Variants in TICAM2 observed in about 807,000 individuals in gnomAD.
TICAM2 encodes the protein TIR domain-containing adapter molecule 2.
Under a neutral mutation model 7.3 loss-of-function variants are expected in TICAM2, and 8 were observed. The observed-to-expected ratio is 1.10, with a 90% confidence interval of 0.65 to 1.99. TICAM2 has a LOEUF of 1.99. TICAM2 is among the 30% of genes most tolerant of loss of function. The pLI is 0.00. For synonymous variants in TICAM2, 113 were observed against 99.6 expected, an observed-to-expected ratio of 1.13 and a Z score of -0.80; for missense variants, 304 against 278.8, an observed-to-expected ratio of 1.09 and a Z score of -0.65.
At chr5:115,595,649 T>A (rs944710409) in intron 1 of TICAM2, among the ~76,000 whole-genome samples, 9 of 152,338 alleles carry the variant, frequency 5.9e-5, no homozygotes, top group Middle Eastern at 3.4e-3. Context: ...AAAAACTCTA[T>A]CTTATTAGAA....
rs983772264 is a variant in TICAM2, at chr5:115,585,338, G to T, written c.-59-4023C>A. ...TAGTCAAAGCGTAGTCCATGAACAA[G>T]ATGCCAGTCTCTGAACTGTTTCTTA... On this transcript the variant is annotated intron_variant, in intron 1 of 1. Transcript: ENST00000427199. Among the ~76,000 whole-genome samples, 18 of 152,188 alleles carry T rather than the reference G, an allele frequency of 1.2e-4. 1 individual carries two copies. Among genetic ancestry groups the T allele is most frequent in the African/African-American group, 4.3e-4 (18 of 41,438 alleles).
At chr5:115,592,417 T>A (rs1433113660) in intron 1 of TICAM2, among the ~76,000 whole-genome samples, 1 of 152,246 alleles carries the variant, frequency 6.6e-6, no homozygotes. Context: ...TAGGTAAATG[T>A]GTGCCATGAT....
At chr5:115,589,627 T>C (rs569512175) in intron 1 of TICAM2, among the ~76,000 whole-genome samples, 2 of 152,390 alleles carry the variant, frequency 1.3e-5, no homozygotes, top group African/African-American at 4.8e-5. Flanking sequence ...CTTTTCATTC[T>C]TAGCTATTAG....
chr5:115,587,108 A>AGAGGAAG (rs986579416), intron 1 of TICAM2, among the ~76,000 whole-genome samples: 6 of 152,196 alleles, frequency 3.9e-5, no homozygotes, highest in African/African-American at 1.4e-4. Flanking sequence ...AGGAGGCAGA[A>AGAGGAAG]GAGGAAGGGA....
intron 1 of TICAM2, chr5:115,581,589 C>T (rs1443026897): frequency 1.4e-5 from 5 of 358,910 alleles, no homozygotes; most frequent in African/African-American, 4.2e-5. Flanking sequence ...GCACTACAAA[C>T]CTCCAGATTG....
chr5:115,600,043 G>A (rs1755661534), intron 1 of TICAM2, among the ~76,000 whole-genome samples: 1 of 152,142 alleles, frequency 6.6e-6, no homozygotes, highest in Non-Finnish European at 1.5e-5. Flanking sequence ...CTTAGAGAGG[G>A]AGAGAGAGGT....
chr5:115,596,369 A>G (rs576732050), intron 1 of TICAM2, among the ~76,000 whole-genome samples: 4 of 152,298 alleles, frequency 2.6e-5, no homozygotes, highest in African/African-American at 9.6e-5. Context: ...TGTGCTTGAT[A>G]TAAAAATTTC....
intron 1 of TICAM2, among the ~76,000 whole-genome samples, chr5:115,586,631 A>C (rs1755116895): frequency 1.3e-5 from 2 of 152,192 alleles, no homozygotes; most frequent in South Asian, 4.1e-4. Context: ...GCAATATTAA[A>C]ATTTTAACAT....
rs116674731 is a variant in TICAM2 at position 115,581,027 on chromosome 5, A to C, written c.230T>G (p.Val77Gly). 3.1e-6 allele frequency: 5 copies of C among 1,613,626 alleles called. No individual in the cohort carries two copies. Among genetic ancestry groups the C allele is most frequent in the Non-Finnish European group, 4.2e-6 (5 of 1,179,948 alleles). ...EMFEEEAEEE[V>G]FLKFVILHAE... The stretch of plus-strand genomic sequence containing the variant: ...ATGCAATATCACAAATTTGAGGAAC[A>C]CCTCTTCTTCAGCTTCTTCTTCAAA... Residue 77 changes from valine to glycine, a missense_variant, in exon 2 of 2, where the codon GTG (valine) becomes GGG (glycine). Physicochemically the swap from Val to Gly is moderately radical, Grantham distance 109 (BLOSUM62 -3). Transcript: ENST00000427199.
rs1356919003 is a variant in TICAM2, at chr5:115,581,065, G to A, written c.192C>T (p.Ser64=). The change falls in exon 2 of 2, where the codon AGC becomes AGT. Residue 64 remains serine (S), a synonymous_variant. Coordinates refer to ENST00000427199, the MANE Select transcript of TICAM2 (RefSeq NM_021649.7). The part of the protein sequence containing the change: ...GPTGKQEGAQ[S]VEEMFEEEAE... ...CTTCTTCTTCAAACATCTCTTCCAC[G>A]CTCTGAGCTCCCTCCTGCTTTCCTG... is the stretch of plus-strand genomic sequence containing the variant. The A allele has an allele frequency of 3.1e-6, 5 of 1,613,954 alleles. No homozygotes were observed. The highest frequency in any genetic ancestry group is 2.2e-5 in the East Asian group (1 of 44,886).
At chr5:115,600,322 A>C (rs1048484025) in intron 1 of TICAM2, among the ~76,000 whole-genome samples, 1 of 152,240 alleles carries the variant, frequency 6.6e-6, no homozygotes, top group African/African-American at 2.4e-5. Context: ...GGACATACAC[A>C]TACATCTGGA....
intron 1 of TICAM2, among the ~76,000 whole-genome samples, chr5:115,590,270 A>C (rs912507964): frequency 2.0e-5 from 3 of 152,150 alleles, no homozygotes; most frequent in Non-Finnish European, 4.4e-5. Context: ...TGATTGCACC[A>C]CTGCACTCTA....
intron 1 of TICAM2, among the ~76,000 whole-genome samples, chr5:115,597,732 C>T (rs765250307): frequency 1.3e-5 from 2 of 152,104 alleles, no homozygotes; most frequent in African/African-American, 2.4e-5. Context: ...CCTGCATATA[C>T]CAAAATCCAA....
intron 1 of TICAM2, among the ~76,000 whole-genome samples, chr5:115,601,407 G>A (rs1755730761): frequency 6.6e-6 from 1 of 152,108 alleles, no homozygotes; most frequent in African/African-American, 2.4e-5. Flanking sequence ...ACTAATCTAA[G>A]GAATACTAAA....
chr5:115,583,194 CT>C (rs1178105002), intron 1 of TICAM2, among the ~76,000 whole-genome samples: 1 of 152,162 alleles, frequency 6.6e-6, no homozygotes. Flanking sequence ...GAAGTTTCCC[CT>C]GAATGAGAAA....
At chr5:115,587,452 G>GACAATA (rs1216097002) in intron 1 of TICAM2, among the ~76,000 whole-genome samples, 1 of 152,164 alleles carries the variant, frequency 6.6e-6, no homozygotes, top group African/African-American at 2.4e-5. Flanking sequence ...TGGAAGTTTA[G>GACAATA]GTTTGTAAAG....
intron 1 of TICAM2, among the ~76,000 whole-genome samples, chr5:115,585,885 T>A (rs1755085033): frequency 6.6e-6 from 1 of 151,926 alleles, no homozygotes; most frequent in Non-Finnish European, 1.5e-5. Context: ...TAGTTAGGAG[T>A]CTGTTGCAGA....
chr5:115,591,856 G>A (rs1755316108), intron 1 of TICAM2, among the ~76,000 whole-genome samples: 1 of 152,112 alleles, frequency 6.6e-6, no homozygotes, highest in African/African-American at 2.4e-5. Flanking sequence ...GAGAATTAAA[G>A]CAAAGCAGTA....
rs1043950030 is a variant in TICAM2, at chr5:115,581,124, C to T, written c.133G>A (p.Val45Ile). The change falls in exon 2 of 2, where the codon GTT becomes ATT. Residue 45 changes from valine to isoleucine, a missense_variant. Val to Ile is a conservative substitution (Grantham distance 29, BLOSUM62 3). Coordinates refer to ENST00000427199, the MANE Select transcript of TICAM2 (RefSeq NM_021649.7). The part of the protein sequence containing the change: ...KKSEDLSLCN[V>I]AEHSNTTEGP... ...TCTGTTGTATTGCTGTGCTCAGCAA[C>T]ATTACACAAGGATAGATCTTCAGAC... The T allele has an allele frequency of 2.5e-6, 4 of 1,614,028 alleles. No homozygotes were observed. Among genetic ancestry groups the T allele is most frequent in the Non-Finnish European group, 3.4e-6 (4 of 1,180,032 alleles).
Sources: allele counts gnomAD v4.1 joint callset (sites outside exome capture counted in the v4.1 genomes callset), GRCh38; gene constraint gnomAD v4.1.1; transcripts MANE v1.5; gene names NCBI Gene and HGNC (gene_info 2026-07-23, HGNC 2026-07-21).